PSEN1: variants seen among roughly 807,000 people sequenced by gnomAD.
The protein encoded by PSEN1 is presenilin-1.
PSEN1 carries 15 observed loss-of-function variants against 53.5 expected under a neutral mutation model. That is an observed-to-expected ratio of 0.28 (90% CI 0.19 to 0.43). The LOEUF is 0.43. Ranked by LOEUF, PSEN1 falls within the 20% of genes least tolerant of loss-of-function variation. PSEN1 has a pLI of 1.00. For missense variants in PSEN1, 387 were observed against 571.2 expected, an observed-to-expected ratio of 0.68 and a Z score of 3.29; for synonymous variants, 208 against 209.8, an observed-to-expected ratio of 0.99 and a Z score of 0.08.
chr14:73,214,081 A>G (rs903277618), intron 10 of PSEN1, among the ~76,000 whole-genome samples: 3 of 152,252 alleles, frequency 2.0e-5, no homozygotes, highest in African/African-American at 7.2e-5. Flanking sequence ...AACAACCCAC[A>G]TGTCTATTAA....
chr14:73,218,476 A>AGTGTTTCC (rs1451925257), intron 11 of PSEN1, among the ~76,000 whole-genome samples: 2 of 152,142 alleles, frequency 1.3e-5, no homozygotes, highest in African/African-American at 4.8e-5. Flanking sequence ...AAGACTTTCT[A>AGTGTTTCC]GTGTTTCCGT....
At chr14:73,170,032 G>A (rs1477479056) in intron 3 of PSEN1, among the ~76,000 whole-genome samples, 3 of 152,152 alleles carry the variant, frequency 2.0e-5, no homozygotes, top group Non-Finnish European at 4.4e-5. Flanking sequence ...CCCCTTTTTA[G>A]ACCATACAAG....
At chr14:73,197,769 G>C in intron 7 of PSEN1, 1 of 467,060 alleles carries the variant, frequency 2.1e-6, no homozygotes, top group East Asian at 4.2e-5. Flanking sequence ...CCCCAGTAAC[G>C]ATACACTGTA....
intron 6 of PSEN1, among the ~76,000 whole-genome samples, chr14:73,187,589 T>G (rs939987163): frequency 6.6e-6 from 1 of 152,058 alleles, no homozygotes; most frequent in Admixed American, 6.6e-5. Flanking sequence ...GAAAAAAAAT[T>G]ATCAAAACTG....
At chr14:73,176,316 G>A (rs937203617) in intron 5 of PSEN1, among the ~76,000 whole-genome samples, 4 of 152,152 alleles carry the variant, frequency 2.6e-5, no homozygotes, top group Admixed American at 1.3e-4. Context: ...TTGTCTGCAC[G>A]TGTTTACTTG....
chr14:73,151,401 G>T (rs535941925), intron 3 of PSEN1, among the ~76,000 whole-genome samples: 1 of 152,256 alleles, frequency 6.6e-6, no homozygotes, highest in South Asian at 2.1e-4. Context: ...TTTAGAGATT[G>T]CTAGGATTCT....
chr14:73,185,402 G>A (rs1475194296), intron 5 of PSEN1, among the ~76,000 whole-genome samples: 1 of 152,238 alleles, frequency 6.6e-6, no homozygotes, highest in Non-Finnish European at 1.5e-5. Flanking sequence ...TTAGGGGCTG[G>A]AGACCGGCCT....
In PSEN1 at chr14:73,206,426, G is replaced by A. The variant is rs377053325; in HGVS notation, c.909G>A (p.Pro303=). ...VWLVNMAEGD[P]EAQRRVSKNS... ...TGGTGAATATGGCAGAAGGAGACCC[G>A]GAAGCTCAAAGGAGAGTATCCAAAA... The change falls in exon 9 of 12, where the codon CCG becomes CCA. Residue 303 remains proline, a synonymous_variant. Coordinates refer to ENST00000324501, the MANE Select transcript of PSEN1 (RefSeq NM_000021.4). 4.3e-5 allele frequency: 69 copies of A among 1,614,004 alleles called. 1 individual carries two copies. The highest frequency in any genetic ancestry group is 3.3e-4 in the Middle Eastern group (2 of 6,062).
Position 73,186,903 on chromosome 14 carries a change from T to C in PSEN1, c.531T>C (p.Phe177=). 4.3e-6 allele frequency: 7 copies of C among 1,613,700 alleles called. No individual in the cohort carries two copies. In the South Asian group the frequency reaches 5.5e-5, roughly 13 times the overall value. Residue 177 remains phenylalanine (F), a synonymous_variant, in exon 6 of 12, where the codon TTT becomes TTC. Coordinates refer to ENST00000324501, the MANE Select transcript of PSEN1 (RefSeq NM_000021.4). ...IISSLLLLFF[F]SFIYLGEVFK... is the part of the protein sequence containing the mutation. ...CATCTCTATTGTTGCTGTTCTTTTT[T>C]TCATTCATTTACTTGGGGTAAGTTG...
At chr14:73,186,127 C>T (rs1898500545) in intron 5 of PSEN1, among the ~76,000 whole-genome samples, 1 of 152,116 alleles carries the variant, frequency 6.6e-6, no homozygotes, top group South Asian at 2.1e-4. Flanking sequence ...AACCTGTAAT[C>T]CTAGCACTTT....
intron 7 of PSEN1, among the ~76,000 whole-genome samples, chr14:73,197,082 G>A (rs1270158072): frequency 6.6e-6 from 1 of 151,884 alleles, no homozygotes; most frequent in Non-Finnish European, 1.5e-5. Flanking sequence ...ACAGGCACGC[G>A]CCACCACACC....
At chr14:73,155,994 G>GA (rs1259037321) in intron 3 of PSEN1, among the ~76,000 whole-genome samples, 2 of 152,078 alleles carry the variant, frequency 1.3e-5, no homozygotes, top group African/African-American at 4.8e-5. Context: ...GGTTATGTGG[G>GA]AACTCTGTGT....
intron 5 of PSEN1, among the ~76,000 whole-genome samples, chr14:73,177,410 T>A (rs1387330603): frequency 6.6e-6 from 1 of 152,130 alleles, no homozygotes; most frequent in Non-Finnish European, 1.5e-5. Context: ...TTTTTGTTTT[T>A]GTTTTTGTTT....
chr14:73,148,187 G>A, intron 3 of PSEN1, 81 bp downstream of exon 3: 1 of 1,088,228 alleles, frequency 9.2e-7, no homozygotes, highest in Non-Finnish European at 1.4e-6. Flanking sequence ...AATGCTGAGG[G>A]GGCTAGGCAG....
rs376746568 is a variant in PSEN1, at chr14:73,188,765, TTTTC to T, written c.548+1853_548+1856del. Among the ~76,000 whole-genome samples, 1,007 of 152,300 alleles carry T rather than the reference TTTTC, an allele frequency of 6.6e-3. 10 individuals are homozygous for T. Among genetic ancestry groups the T allele is most frequent in the African/African-American group, 0.024 (979 of 41,566 alleles). On this transcript the variant is annotated intron_variant, in intron 6 of 11. Coordinates refer to ENST00000324501, the MANE Select transcript of PSEN1 (RefSeq NM_000021.4). The stretch of plus-strand genomic sequence containing the variant: ...GGTCAGGAATGAGATGGAGGTTTTC[TTTTC>T]TTTCTTTTGTTTGTTTGTTTTTTGT...
intron 5 of PSEN1, among the ~76,000 whole-genome samples, chr14:73,179,981 A>G (rs1898160445): frequency 2.0e-5 from 3 of 150,510 alleles, no homozygotes; most frequent in Non-Finnish European, 3.0e-5. Context: ...TCCATCCTTC[A>G]TTTTATTTTA....
intron 8 of PSEN1, among the ~76,000 whole-genome samples, chr14:73,203,664 T>C (rs961681617): frequency 6.6e-6 from 1 of 152,182 alleles, no homozygotes; most frequent in African/African-American, 2.4e-5. Flanking sequence ...AGCATTTTTG[T>C]TTTTTACTTC....
intron 7 of PSEN1, among the ~76,000 whole-genome samples, chr14:73,193,213 G>T (rs1199269985): frequency 2.0e-5 from 3 of 152,052 alleles, no homozygotes; most frequent in Non-Finnish European, 1.5e-5. Context: ...AGGAGGCTGA[G>T]GTGGGAGGAT....
At chr14:73,212,189 C>A (rs771589097) in intron 10 of PSEN1, among the ~76,000 whole-genome samples, 2 of 136,800 alleles carry the variant, frequency 1.5e-5, no homozygotes, top group Admixed American at 1.7e-4. Context: ...TGGCTCACTG[C>A]AAGCTCCACC....
Sources: gnomAD v4.1 joint callset for allele counts (sites outside exome capture counted in the v4.1 genomes callset) on GRCh38, gnomAD v4.1.1 for gene constraint, MANE v1.5 for transcripts, NCBI Gene and HGNC (gene_info 2026-07-23, HGNC 2026-07-21) for gene names.